EYS: variants seen among roughly 807,000 people sequenced by gnomAD.
EYS encodes the protein protein eyes shut homolog.
A neutral mutation model predicts 282.1 loss-of-function variants in EYS; 250 were observed. The ratio of observed to expected loss-of-function variants is 0.89; its 90% CI spans 0.80 to 0.98. The LOEUF (loss-of-function observed/expected upper bound fraction) is 0.98, where lower values mean the gene tolerates loss of function less well. EYS is among the 50% of genes least tolerant of loss of function. The probability of loss-of-function intolerance (pLI) is 0.00; values close to 1 mark genes in which losing one functional copy is unlikely to be tolerated. For synonymous variants in EYS, 1,355 were observed against 1,282.9 expected (o/e 1.06, Z -1.20); for missense variants, 4,016 against 3,709.0 (o/e 1.08, Z -2.15).
At chr6:64,552,916 C>A (rs1362937345) in intron 26 of EYS, among the ~76,000 whole-genome samples, 2 of 116,162 alleles carry the variant, frequency 1.7e-5, no homozygotes, top group African/African-American at 3.1e-5. Flanking sequence ...AGACTCCATT[C>A]CCCCCCGCCC....
chr6:65,693,360 T>G (rs1319461747), intron 1 of EYS, among the ~76,000 whole-genome samples: 2 of 148,794 alleles, frequency 1.3e-5, no homozygotes, highest in African/African-American at 4.9e-5. Context: ...AGAGCTCTGA[T>G]AGAGACACAG....
intron 26 of EYS, among the ~76,000 whole-genome samples, chr6:64,443,321 A>T (rs913665041): frequency 2.6e-5 from 4 of 152,186 alleles, no homozygotes; most frequent in African/African-American, 9.7e-5. Flanking sequence ...TGTATCTAGG[A>T]AGCAATTAAC....
chr6:65,041,549 G>A (rs140235302), intron 13 of EYS, among the ~76,000 whole-genome samples: 43 of 151,650 alleles, frequency 2.8e-4, no homozygotes, highest in African/African-American at 1.0e-3. Context: ...TTACCAGCTG[G>A]AAGTCTGAAA....
At chr6:64,439,837 T>C (rs1362371451) in intron 26 of EYS, among the ~76,000 whole-genome samples, 2 of 151,874 alleles carry the variant, frequency 1.3e-5, no homozygotes. Flanking sequence ...TTCTGAATGA[T>C]ATTCTAATTA....
intron 22 of EYS, among the ~76,000 whole-genome samples, chr6:64,640,602 G>C (rs1412479960): frequency 6.6e-6 from 1 of 151,720 alleles, no homozygotes; most frequent in Admixed American, 6.6e-5. Context: ...ATAGCATTAG[G>C]ATATATACCT....
intron 11 of EYS, among the ~76,000 whole-genome samples, chr6:65,312,318 A>G (rs1769181842): frequency 6.6e-6 from 1 of 151,822 alleles, no homozygotes; most frequent in South Asian, 2.1e-4. Context: ...CTTGGTCATG[A>G]TAAATTAAGT....
intron 22 of EYS, among the ~76,000 whole-genome samples, chr6:64,806,112 GAAGT>G (rs1243788981): frequency 6.6e-6 from 1 of 151,594 alleles, no homozygotes; most frequent in South Asian, 2.1e-4. Flanking sequence ...TCCATGTTGT[GAAGT>G]AATAGTCATA....
At chr6:65,600,022 A>T (rs1183125044) in intron 2 of EYS, among the ~76,000 whole-genome samples, 3 of 151,986 alleles carry the variant, frequency 2.0e-5, no homozygotes, top group African/African-American at 7.2e-5. Context: ...TGTAAAAGTG[A>T]TCATGTGATC....
At chr6:64,374,495 G>A (rs988118434) in intron 29 of EYS, among the ~76,000 whole-genome samples, 7 of 141,294 alleles carry the variant, frequency 5.0e-5, no homozygotes, top group African/African-American at 2.2e-4. Context: ...GAATGCCCCT[G>A]GGCACTCTCA....
intron 12 of EYS, among the ~76,000 whole-genome samples, chr6:65,254,116 T>C (rs901265254): frequency 1.3e-5 from 2 of 151,858 alleles, no homozygotes; most frequent in Non-Finnish European, 2.9e-5. Flanking sequence ...AGCATTTATT[T>C]TGATACACAG....
chr6:63,893,492 C>T (rs935853371), intron 35 of EYS, among the ~76,000 whole-genome samples: 14 of 152,118 alleles, frequency 9.2e-5, no homozygotes, highest in Non-Finnish European at 8.8e-5. Context: ...AAACCAAACC[C>T]GCATGTTCTC....
At chr6:65,649,372 AACACAC>A (rs150768155) in intron 1 of EYS, among the ~76,000 whole-genome samples, 1 of 150,988 alleles carries the variant, frequency 6.6e-6, no homozygotes, top group African/African-American at 2.4e-5. Context: ...CCAATCTTAA[AACACAC>A]ACACACACAC....
intron 33 of EYS, among the ~76,000 whole-genome samples, chr6:64,058,614 C>A (rs1771063202): frequency 6.6e-6 from 1 of 152,080 alleles, no homozygotes. Context: ...ATGTTAAATC[C>A]TGTTATTTAA....
At chr6:64,599,600 T>C (rs546631829) in intron 24 of EYS, among the ~76,000 whole-genome samples, 13 of 152,302 alleles carry the variant, frequency 8.5e-5, no homozygotes, top group African/African-American at 3.1e-4. Flanking sequence ...ACCAGATATG[T>C]AACAAGTTGA....
At chr6:65,051,000 C>T (rs1773252846) in intron 13 of EYS, among the ~76,000 whole-genome samples, 1 of 151,550 alleles carries the variant, frequency 6.6e-6, no homozygotes, top group Admixed American at 6.6e-5. Context: ...AATTACTACA[C>T]ATTTAGAGAC....
At chr6:63,997,681 C>T (rs1267756986) in intron 34 of EYS, among the ~76,000 whole-genome samples, 2 of 152,096 alleles carry the variant, frequency 1.3e-5, no homozygotes, top group African/African-American at 2.4e-5. Context: ...ATTTCGTCAG[C>T]CTAAAGGGCA....
In EYS at chr6:63,933,899, A is replaced by C. The variant is rs144805293; in HGVS notation, c.7055+50484T>G. Among the ~76,000 whole-genome samples, 651 of 152,270 alleles carry C rather than the reference A, an allele frequency of 4.3e-3. 3 individuals are homozygous for C. Among genetic ancestry groups the C allele is most frequent in the African/African-American group, 0.014 (595 of 41,536 alleles). On this transcript the variant is annotated intron_variant, in intron 35 of 42. Transcript: ENST00000503581. ...GACAGTCTTAATCATTTTAATTAAC[A>C]ATCTACCTGCTTTTAAACTAAAGAG...
chr6:64,871,894 C>A (rs1407788095), intron 19 of EYS, among the ~76,000 whole-genome samples: 1 of 151,866 alleles, frequency 6.6e-6, no homozygotes, highest in Non-Finnish European at 1.5e-5. Flanking sequence ...CAAGGATTGA[C>A]AACAAAGAAT....
intron 4 of EYS, 45 bp downstream of exon 4, chr6:65,494,616 CTG>C (rs111389740): frequency 7.0e-5 from 102 of 1,461,748 alleles, no homozygotes; most frequent in African/African-American, 2.5e-4. Context: ...TATAAATGCA[CTG>C]TGTTTCTCTA....
Sources: gnomAD v4.1 joint callset for allele counts (sites outside exome capture counted in the v4.1 genomes callset) on GRCh38, gnomAD v4.1.1 for gene constraint, MANE v1.5 for transcripts, NCBI Gene and HGNC (gene_info 2026-07-23, HGNC 2026-07-21) for gene names.